Variants in IQGAP2 observed in about 807,000 individuals in gnomAD.
IQGAP2 encodes ras GTPase-activating-like protein IQGAP2.
Under a neutral mutation model 201.3 loss-of-function variants are expected in IQGAP2, and 173 were observed. That is an observed-to-expected ratio of 0.86 (90% confidence interval 0.76 to 0.98). The LOEUF (loss-of-function observed/expected upper bound fraction) is 0.98, where lower values mean the gene tolerates loss of function less well. IQGAP2 is among the 50% of genes least tolerant of loss of function. The pLI is 0.00. For missense variants in IQGAP2, 1,687 were observed against 1,864.8 expected, an observed-to-expected ratio of 0.90 and a Z score of 1.76; for synonymous variants, 675 against 673.9, an observed-to-expected ratio of 1.00 and a Z score of -0.03.
chr5:76,673,499 T>C lies in IQGAP2; in HGVS notation c.3119T>C (p.Val1040Ala). 6.2e-7 allele frequency: 1 copy of C among 1,614,028 alleles called. No homozygotes were observed. ...TTEQALTYPE[V>A]KNKLEASIEN... ...GAACAAGCTCTAACATACCCAGAAG[T>C]GAAAAATAAACTGGAGGCTTCCATT... The change falls in exon 25 of 36, where the codon GTG becomes GCG. Residue 1040 changes from valine to alanine, a missense_variant. Physicochemically the swap from Val to Ala is moderately conservative, Grantham distance 64. Coordinates refer to ENST00000274364, the MANE Select transcript of IQGAP2 (RefSeq NM_006633.5).
intron 20 of IQGAP2, among the ~76,000 whole-genome samples, chr5:76,657,225 G>A (rs1162110138): frequency 6.6e-6 from 1 of 152,200 alleles, no homozygotes; most frequent in Admixed American, 6.5e-5. Flanking sequence ...GGTGGGAGAG[G>A]CAGCCATCAA....
At chr5:76,515,421 A>T (rs1020019734) in intron 2 of IQGAP2, among the ~76,000 whole-genome samples, 9 of 152,248 alleles carry the variant, frequency 5.9e-5, no homozygotes, top group African/African-American at 2.2e-4. Context: ...AAGTAAGTGA[A>T]AATGAGTTGC....
intron 13 of IQGAP2, among the ~76,000 whole-genome samples, chr5:76,611,946 G>A (rs143536880): frequency 3.3e-5 from 5 of 152,208 alleles, no homozygotes; most frequent in East Asian, 1.9e-4. Flanking sequence ...CTGAAAGGGC[G>A]GTCATCTCCT....
At chr5:76,518,376 T>G (rs1165471156) in intron 2 of IQGAP2, among the ~76,000 whole-genome samples, 1 of 152,130 alleles carries the variant, frequency 6.6e-6, no homozygotes, top group African/African-American at 2.4e-5. Flanking sequence ...CAGGCAAAAA[T>G]AGAGAGCTTG....
chr5:76,692,161 T>C (rs462337), intron 30 of IQGAP2, among the ~76,000 whole-genome samples: 1 of 152,256 alleles, frequency 6.6e-6, no homozygotes, highest in Non-Finnish European at 1.5e-5. Flanking sequence ...TCTATCTAGA[T>C]ATCTATCTGA....
intron 18 of IQGAP2, among the ~76,000 whole-genome samples, chr5:76,653,423 G>T (rs1478230075): frequency 6.6e-6 from 1 of 152,110 alleles, no homozygotes; most frequent in African/African-American, 2.4e-5. Context: ...CCAGATGAGA[G>T]TGGAAGCAAT....
chr5:76,690,554 G>A (rs1452185807), intron 30 of IQGAP2, among the ~76,000 whole-genome samples: 1 of 152,132 alleles, frequency 6.6e-6, no homozygotes, highest in Non-Finnish European at 1.5e-5. Flanking sequence ...CTCTCAGAGT[G>A]AGCTCCTGTT....
intron 2 of IQGAP2, among the ~76,000 whole-genome samples, chr5:76,487,833 A>G (rs1044677255): frequency 2.0e-5 from 3 of 152,368 alleles, no homozygotes; most frequent in Admixed American, 2.0e-4. Context: ...AGTGGGTCAG[A>G]AAACATGTTT....
chr5:76,682,249 G>A (rs561142253), intron 28 of IQGAP2, among the ~76,000 whole-genome samples: 92 of 152,254 alleles, frequency 6.0e-4, no homozygotes, highest in African/African-American at 2.1e-3. Context: ...AAAAAAGATT[G>A]AAAATGGAAA....
chr5:76,445,370 G>A (rs2150108936), intron 1 of IQGAP2, among the ~76,000 whole-genome samples: 1 of 152,092 alleles, frequency 6.6e-6, no homozygotes, highest in East Asian at 1.9e-4. Context: ...AAGATTAAAT[G>A]AGTTAATATT....
chr5:76,636,492 TC>T (rs1751138070), intron 15 of IQGAP2, among the ~76,000 whole-genome samples: 1 of 152,216 alleles, frequency 6.6e-6, no homozygotes, highest in African/African-American at 2.4e-5. Context: ...ATTTTCTTTT[TC>T]CCCACTTTAG....
intron 2 of IQGAP2, among the ~76,000 whole-genome samples, chr5:76,489,624 GCTAA>G (rs1387893659): frequency 6.6e-6 from 1 of 152,028 alleles, no homozygotes; most frequent in Admixed American, 6.6e-5. Context: ...TCCATGCCAG[GCTAA>G]CTCTTTTGGA....
chr5:76,438,434 G>T (rs1459096361), intron 1 of IQGAP2, among the ~76,000 whole-genome samples: 1 of 118,814 alleles, frequency 8.4e-6, no homozygotes, highest in Non-Finnish European at 1.9e-5. Flanking sequence ...GTTGTTATGG[G>T]CTTCATTTTC....
intron 4 of IQGAP2, among the ~76,000 whole-genome samples, chr5:76,571,941 A>G (rs1745142864): frequency 6.6e-6 from 1 of 152,154 alleles, no homozygotes; most frequent in South Asian, 2.1e-4. Context: ...GTGCAGTTTT[A>G]TCCCATGAAT....
intron 2 of IQGAP2, among the ~76,000 whole-genome samples, chr5:76,496,101 T>C (rs1487234594): frequency 2.0e-5 from 3 of 152,182 alleles, no homozygotes; most frequent in Non-Finnish European, 4.4e-5. Flanking sequence ...AGAACCAAAC[T>C]TGGAAACCTT....
chr5:76,643,655 A>G (rs1054719815), intron 17 of IQGAP2, among the ~76,000 whole-genome samples: 1 of 152,194 alleles, frequency 6.6e-6, no homozygotes, highest in Non-Finnish European at 1.5e-5. Flanking sequence ...AGTTTTTTTC[A>G]TGAACTGAAG....
intron 1 of IQGAP2, among the ~76,000 whole-genome samples, chr5:76,409,854 T>C (rs1751012296): frequency 6.6e-6 from 1 of 152,180 alleles, no homozygotes; most frequent in South Asian, 2.1e-4. Context: ...TGCAGTGTGG[T>C]GCTGATAAAA....
At chr5:76,418,327 C>T (rs1751531800) in intron 1 of IQGAP2, among the ~76,000 whole-genome samples, 1 of 151,890 alleles carries the variant, frequency 6.6e-6, no homozygotes, top group Non-Finnish European at 1.5e-5. Flanking sequence ...GATTTTTAGC[C>T]AGATTCTTCC....
intron 2 of IQGAP2, among the ~76,000 whole-genome samples, chr5:76,496,741 C>CTTTCTTTCT (rs1756955795): frequency 1.3e-4 from 6 of 47,890 alleles, no homozygotes; most frequent in Non-Finnish European, 2.0e-4. Flanking sequence ...TTCTTTCTTT[C>CTTTCTTTCT]TTTCTTTCTT....
Sources: allele counts gnomAD v4.1 joint callset (sites outside exome capture counted in the v4.1 genomes callset), GRCh38; gene constraint gnomAD v4.1.1; transcripts MANE v1.5; gene names NCBI Gene and HGNC (gene_info 2026-07-23, HGNC 2026-07-21).